PYM1: variants seen among roughly 807,000 people sequenced by gnomAD.
The protein encoded by PYM1 is partner of Y14 and mago.
Under a neutral mutation model 20.7 loss-of-function variants are expected in PYM1, and 7 were observed. The observed-to-expected ratio is 0.34, with a 90% CI of 0.19 to 0.64. PYM1 has a LOEUF of 0.64. Ranked by LOEUF, PYM1 falls within the 30% of genes least tolerant of loss-of-function variation. The pLI, the probability that PYM1 is intolerant of heterozygous loss-of-function variation, is 0.74. For missense variants in PYM1, 194 were observed against 250.0 expected, an observed-to-expected ratio of 0.78 and a Z score of 1.51; for synonymous variants, 100 against 99.2, an observed-to-expected ratio of 1.01 and a Z score of -0.05.
chr12:55,922,992 G>A (rs1342106878), intron 1 of PYM1, among the ~76,000 whole-genome samples: 6 of 151,800 alleles, frequency 4.0e-5, no homozygotes, highest in African/African-American at 1.5e-4. Context: ...TTGGGAGGCC[G>A]AGGTGGGCAG....
At chr12:55,914,387 C>G in intron 1 of PYM1, 1 of 702,100 alleles carries the variant, frequency 1.4e-6, no homozygotes, top group Non-Finnish European at 2.6e-6. Flanking sequence ...AAACCAAGGG[C>G]AAAATATCAG....
At chr12:55,905,991 T>C (rs1882809349) in intron 1 of PYM1, among the ~76,000 whole-genome samples, 1 of 73,464 alleles carries the variant, frequency 1.4e-5, no homozygotes, top group Non-Finnish European at 3.1e-5. Flanking sequence ...ATATATAATA[T>C]AAAATAAATA....
intron 1 of PYM1, among the ~76,000 whole-genome samples, chr12:55,903,842 G>A (rs998112460): frequency 2.0e-5 from 3 of 152,016 alleles, no homozygotes; most frequent in Non-Finnish European, 4.4e-5. Flanking sequence ...TGACAATAGC[G>A]GATGTTGTAA....
At chr12:55,912,700 C>T (rs1882945835) in intron 1 of PYM1, among the ~76,000 whole-genome samples, 1 of 152,146 alleles carries the variant, frequency 6.6e-6, no homozygotes, top group Non-Finnish European at 1.5e-5. Context: ...TGCAGTGGTT[C>T]ACGTATGTAA....
chr12:55,901,468 A>AT lies in PYM1; in HGVS notation c.*403dup. Reference sequence around the variant, plus strand: ...TGCTTTTTTTAAAAAAAAAAAAAAAATGAGGGATGGAGAGGGAAATAACCC... The same window carrying AT: ...TGCTTTTTTTAAAAAAAAAAAAAAAATTGAGGGATGGAGAGGGAAATAACCC... On this transcript the variant is annotated 3_prime_UTR_variant, in exon 3 of 3. Coordinates refer to ENST00000408946, the MANE Select transcript of PYM1 (RefSeq NM_032345.3). 6.2e-6 allele frequency: 1 copy of AT among 161,896 alleles called. No homozygotes were observed. Among genetic ancestry groups the AT allele is most frequent in the Non-Finnish European group, 1.4e-5 (1 of 74,024 alleles). The allele number at this position is 161,896 out of a possible 1,614,324, so 10.0% of individuals were successfully genotyped here. A position where few individuals can be genotyped will look rare whatever the true frequency, so the allele number is the denominator to read the frequency against.
rs560857297 is a variant in PYM1 at position 55,908,115 on chromosome 12, C to T, written c.38-4635G>A. On this transcript the variant is annotated intron_variant, in intron 1 of 2. Coordinates refer to ENST00000408946, the MANE Select transcript of PYM1 (RefSeq NM_032345.3). ...AAAAATATCCAGGCGTGGTGGCGGG[C>T]GCCTTTAATCCCAGCTACTTGGGAG... 1.6e-4 allele frequency among the ~76,000 whole-genome samples: 24 copies of T among 151,594 alleles called. No homozygotes were observed. In the South Asian group the frequency reaches 3.3e-3, roughly 21 times the overall value.
intron 1 of PYM1, among the ~76,000 whole-genome samples, chr12:55,905,711 A>T (rs973073085): frequency 5.8e-5 from 2 of 34,304 alleles, no homozygotes; most frequent in African/African-American, 7.6e-5. Flanking sequence ...CCAATTAAAA[A>T]ATATATATAT....
chr12:55,910,038 G>A (rs1013008255), intron 1 of PYM1, among the ~76,000 whole-genome samples: 2 of 151,914 alleles, frequency 1.3e-5, no homozygotes, highest in Non-Finnish European at 1.5e-5. Context: ...CTGTCTTTAC[G>A]AACTATACAA....
At chr12:55,921,262 T>C (rs887692619) in intron 1 of PYM1, among the ~76,000 whole-genome samples, 1 of 152,220 alleles carries the variant, frequency 6.6e-6, no homozygotes, top group African/African-American at 2.4e-5. Context: ...TTGGACACTT[T>C]TTATGTGCCA....
intron 1 of PYM1, among the ~76,000 whole-genome samples, chr12:55,920,797 A>G (rs2136268653): frequency 6.6e-6 from 1 of 152,358 alleles, no homozygotes; most frequent in East Asian, 1.9e-4. Context: ...CCAAACTATA[A>G]AACACTCTGC....
intron 1 of PYM1, among the ~76,000 whole-genome samples, chr12:55,910,952 G>A (rs1681078): frequency 0.025 from 3,768 of 152,212 alleles, 155 homozygotes; most frequent in African/African-American, 0.086. Context: ...GGAGACCAAG[G>A]TTCTTTTGAA....
chr12:55,927,707 G>A lies in PYM1; in HGVS notation c.37+18C>T. The A allele has an allele frequency of 1.3e-6, 2 of 1,539,430 alleles. No homozygotes were observed. Among genetic ancestry groups the A allele is most frequent in the Non-Finnish European group, 1.7e-6 (2 of 1,146,114 alleles). The stretch of plus-strand genomic sequence containing the variant: ...GCGGGAGGGGCGTGCAAGGCGGAGG[G>A]CGCCGCGGGTCGGTCACCTGTCTCC... On this transcript the variant is annotated intron_variant, in intron 1 of 2. Coordinates refer to ENST00000408946, the MANE Select transcript of PYM1 (RefSeq NM_032345.3).
chr12:55,922,837 C>G (rs985977160), intron 1 of PYM1, among the ~76,000 whole-genome samples: 3 of 152,050 alleles, frequency 2.0e-5, no homozygotes, highest in Non-Finnish European at 4.4e-5. Context: ...ACAAGGAAAG[C>G]CTGAGAAAAT....
At chr12:55,911,861 AG>A (rs1012971872) in intron 1 of PYM1, among the ~76,000 whole-genome samples, 15 of 147,004 alleles carry the variant, frequency 1.0e-4, no homozygotes, top group African/African-American at 3.5e-4. Flanking sequence ...AGGGGAGGGG[AG>A]GGGAGGGGAG....
At chr12:55,920,779 G>T (rs1883085421) in intron 1 of PYM1, among the ~76,000 whole-genome samples, 1 of 152,090 alleles carries the variant, frequency 6.6e-6, no homozygotes, top group Admixed American at 6.6e-5. Context: ...GTAAGATAGG[G>T]TGCATGCCCA....
At chr12:55,911,244 G>A (rs1021576935) in intron 1 of PYM1, among the ~76,000 whole-genome samples, 1 of 152,048 alleles carries the variant, frequency 6.6e-6, no homozygotes, top group Non-Finnish European at 1.5e-5. Flanking sequence ...GAGTAGCTGG[G>A]ATTACAGATG....
At chr12:55,927,271 A>C in intron 1 of PYM1, 1 of 1,051,120 alleles carries the variant, frequency 9.5e-7, no homozygotes, top group Non-Finnish European at 1.4e-6. Context: ...GGAGAAGCTG[A>C]AATAGTTAAT....
chr12:55,926,811 G>A (rs1040765531), intron 1 of PYM1, among the ~76,000 whole-genome samples: 1 of 152,182 alleles, frequency 6.6e-6, no homozygotes, highest in African/African-American at 2.4e-5. Flanking sequence ...AACTGCTGGA[G>A]AAAAGCTAAG....
chr12:55,909,491 G>C (rs888785775), intron 1 of PYM1, among the ~76,000 whole-genome samples: 2 of 151,802 alleles, frequency 1.3e-5, no homozygotes, highest in Non-Finnish European at 2.9e-5. Context: ...TTTATGCGAA[G>C]TATTGTCTTA....
Sources: allele counts gnomAD v4.1 joint callset (sites outside exome capture counted in the v4.1 genomes callset), GRCh38; gene constraint gnomAD v4.1.1; transcripts MANE v1.5; gene names NCBI Gene and HGNC (gene_info 2026-07-23, HGNC 2026-07-21).